AGBL1: variants seen among roughly 807,000 people sequenced by gnomAD.
The protein encoded by AGBL1 is cytosolic carboxypeptidase 4.
A neutral mutation model predicts 118.9 loss-of-function variants in AGBL1; 130 were observed. The ratio of observed to expected loss-of-function variants is 1.09; its 90% CI spans 0.95 to 1.26. The LOEUF is 1.26. Ranked by LOEUF, AGBL1 falls within the 50% of genes most tolerant of loss-of-function variation. AGBL1 has a pLI of 0.00. For synonymous variants in AGBL1, 555 were observed against 478.9 expected (o/e 1.16, Z -2.08); for missense variants, 1,584 against 1,298.1 (o/e 1.22, Z -3.38).
chr15:86,222,831 T>G (rs1941748539), intron 5 of AGBL1, among the ~76,000 whole-genome samples: 1 of 152,192 alleles, frequency 6.6e-6, no homozygotes, highest in Admixed American at 6.5e-5. Context: ...AGAGTTGTGA[T>G]CTGGGAGTCA....
intron 24 of AGBL1, among the ~76,000 whole-genome samples, chr15:87,022,674 C>T (rs11637743): frequency 5.9e-5 from 9 of 152,012 alleles, no homozygotes; most frequent in South Asian, 4.1e-4. Flanking sequence ...TAAGTTAAGA[C>T]GGAAGAAAGA....
intron 18 of AGBL1, among the ~76,000 whole-genome samples, chr15:86,403,886 A>C (rs1467243212): frequency 6.6e-5 from 10 of 152,212 alleles, no homozygotes; most frequent in Non-Finnish European, 1.3e-4. Context: ...CATTCAAATG[A>C]TAAGGAAACT....
chr15:86,260,486 G>T (rs1029760246), intron 9 of AGBL1, among the ~76,000 whole-genome samples: 1 of 152,102 alleles, frequency 6.6e-6, no homozygotes, highest in African/African-American at 2.4e-5. Flanking sequence ...TGAAGAGGAG[G>T]GTGATAAACA....
At chr15:86,315,638 A>G (rs964857964) in intron 17 of AGBL1, among the ~76,000 whole-genome samples, 4 of 151,634 alleles carry the variant, frequency 2.6e-5, no homozygotes, top group Non-Finnish European at 5.9e-5. Context: ...GAATTACTTG[A>G]ACCCGAGAGG....
chr15:86,954,701 C>A (rs72755659), intron 23 of AGBL1, among the ~76,000 whole-genome samples: 15,785 of 152,144 alleles, frequency 0.1, 956 homozygotes, highest in South Asian at 0.22. Flanking sequence ...ATTGGGTCCT[C>A]TGCTCACTCC....
At chr15:86,941,829 G>A (rs777692925) in intron 23 of AGBL1, among the ~76,000 whole-genome samples, 3 of 152,224 alleles carry the variant, frequency 2.0e-5, no homozygotes, top group Non-Finnish European at 1.5e-5. Context: ...ACAGGAGCAG[G>A]CCCAGGGAAC....
At chr15:86,109,129 C>T (rs1354632983) in intron 1 of AGBL1, among the ~76,000 whole-genome samples, 10 of 152,116 alleles carry the variant, frequency 6.6e-5, no homozygotes, top group Admixed American at 6.6e-4. Context: ...ACTACAACTC[C>T]TTGGTATACT....
rs77585578 is a variant in AGBL1, at chr15:86,433,708, C to A, written c.2555+36162C>A. The stretch of plus-strand genomic sequence containing the variant: ...TAAGCTTCCAGTGTCTACTCCCACT[C>A]AATCTCCAAGCTTCAGCCTTTCTCT... On this transcript the variant is annotated intron_variant, in intron 18 of 22. Coordinates refer to ENST00000614907, the MANE Select transcript of AGBL1 (RefSeq NM_001386094.1). Among the ~76,000 whole-genome samples, 521 of 152,294 alleles carry A rather than the reference C, an allele frequency of 3.4e-3. 4 individuals are homozygous for A. Among genetic ancestry groups the A allele is most frequent in the African/African-American group, 0.012 (489 of 41,562 alleles).
intron 18 of AGBL1, among the ~76,000 whole-genome samples, chr15:86,478,011 G>T (rs1054841393): frequency 1.3e-5 from 2 of 151,992 alleles, no homozygotes; most frequent in Non-Finnish European, 2.9e-5. Context: ...ATGCAAAAAG[G>T]CCTTTGACAA....
At chr15:86,866,550 C>A (rs887016127) in intron 22 of AGBL1, among the ~76,000 whole-genome samples, 2 of 152,160 alleles carry the variant, frequency 1.3e-5, no homozygotes, top group African/African-American at 4.8e-5. Context: ...GGCAAATCAA[C>A]AATAAATAGA....
intron 5 of AGBL1, among the ~76,000 whole-genome samples, chr15:86,196,876 C>CGCGT (rs1555446469): frequency 1.0e-5 from 1 of 96,738 alleles, no homozygotes; most frequent in Non-Finnish European, 2.0e-5. Context: ...TGTGCGCGCG[C>CGCGT]GCGCACACAC....
intron 21 of AGBL1, among the ~76,000 whole-genome samples, chr15:86,653,120 C>T (rs996138455): frequency 2.6e-5 from 4 of 152,098 alleles, no homozygotes; most frequent in South Asian, 2.1e-4. Flanking sequence ...GGGATATTGC[C>T]GAGTAGCCTT....
intron 22 of AGBL1, among the ~76,000 whole-genome samples, chr15:86,748,570 G>C (rs62031429): frequency 1.4e-4 from 14 of 103,294 alleles, no homozygotes; most frequent in Admixed American, 5.5e-4. Context: ...GTGTTTTAGA[G>C]ATGAAGTCCT....
chr15:86,645,037 CAAA>C (rs1394324602), intron 21 of AGBL1, among the ~76,000 whole-genome samples: 1 of 149,784 alleles, frequency 6.7e-6, no homozygotes. Flanking sequence ...AACAAACAAA[CAAA>C]AAACAAAAAC....
At chr15:86,935,013 A>G (rs1337385695) in intron 23 of AGBL1, 1 of 152,238 alleles carries the variant, frequency 6.6e-6, no homozygotes, top group East Asian at 1.9e-4. Context: ...GTTAAAATGT[A>G]AAAACTATAA....
intron 18 of AGBL1, among the ~76,000 whole-genome samples, chr15:86,447,431 A>G (rs113969382): frequency 4.6e-5 from 7 of 152,352 alleles, no homozygotes; most frequent in African/African-American, 1.7e-4. Context: ...GACACCGTGG[A>G]AAGCAGAGAG....
intron 18 of AGBL1, among the ~76,000 whole-genome samples, chr15:86,490,575 T>G (rs1369560162): frequency 2.6e-5 from 4 of 152,132 alleles, no homozygotes; most frequent in Non-Finnish European, 5.9e-5. Context: ...TTTGTCTGCA[T>G]GACAATACCA....
At chr15:86,439,421 T>C (rs2082035931) in intron 18 of AGBL1, among the ~76,000 whole-genome samples, 1 of 152,224 alleles carries the variant, frequency 6.6e-6, no homozygotes, top group African/African-American at 2.4e-5. Flanking sequence ...TGGCTCAGTA[T>C]TAATGGCCCT....
chr15:86,309,478 T>C (rs2079888685), intron 17 of AGBL1, among the ~76,000 whole-genome samples: 1 of 152,228 alleles, frequency 6.6e-6, no homozygotes, highest in Non-Finnish European at 1.5e-5. Context: ...ATCCTTGTCT[T>C]ACTCCTGATC....
Sources: gnomAD v4.1 joint callset for allele counts (sites outside exome capture counted in the v4.1 genomes callset) on GRCh38, gnomAD v4.1.1 for gene constraint, MANE v1.5 for transcripts, NCBI Gene and HGNC (gene_info 2026-07-23, HGNC 2026-07-21) for gene names.